Variants in USP19 observed in about 807,000 individuals in gnomAD.
The protein encoded by USP19 is ubiquitin carboxyl-terminal hydrolase 19.
A neutral mutation model predicts 144.8 loss-of-function variants in USP19; 40 were observed. That is an observed-to-expected ratio of 0.28 (90% CI 0.21 to 0.36). The LOEUF (loss-of-function observed/expected upper bound fraction) is 0.36. Ranked by LOEUF, USP19 falls within the 10% of genes least tolerant of loss-of-function variation. The pLI is 1.00. For synonymous variants in USP19, 701 were observed against 709.3 expected (o/e 0.99, Z 0.19); for missense variants, 1,518 against 1,822.5 (o/e 0.83, Z 3.04).
In USP19 at chr3:49,108,459, CA is replaced by C; in HGVS notation, c.4107del (p.Val1370TrpfsTer54). ...TRTAPERFAP[P>X]VDRPAPTYSN... ...CTGTAGGTGGGGGCTGGCCGATCCA[CA>C]GGGGGGGCGAAGCGTTCAGGGGCTG... On this transcript the variant is annotated frameshift_variant, in exon 27 of 27. Coordinates refer to ENST00000417901, the MANE Select transcript of USP19 (RefSeq NM_001199161.2). LOFTEE classifies it high-confidence loss of function. This position sits in a 1 kb window ranked among gnomAD's most constrained non-coding sequence, Gnocchi z 4.8. 1 of 1,357,408 alleles carries C rather than the reference CA, an allele frequency of 7.4e-7. No homozygotes were observed. The highest frequency in any genetic ancestry group is 9.6e-7 in the Non-Finnish European group (1 of 1,043,876). 84.1% of individuals were successfully genotyped at this position (1,357,408 alleles called of 1,614,324 possible).
In USP19 at chr3:49,108,477, C is replaced by G; in HGVS notation, c.4090G>C (p.Glu1364Gln). 7.6e-7 allele frequency: 1 copy of G among 1,323,858 alleles called. No homozygotes were observed. The highest frequency in any genetic ancestry group is 9.8e-7 in the Non-Finnish European group (1 of 1,023,972). 82.0% of individuals were successfully genotyped at this position (1,323,858 alleles called of 1,614,324 possible). The change falls in exon 27 of 27, where the codon GAA becomes CAA. Residue 1364 changes from glutamate to glutamine, a missense_variant. By Grantham distance (29) the Glu-to-Gln change is conservative. This residue lies in a region of USP19 where 118 missense variants were observed against 100.2 expected (regional missense o/e 1.18). Coordinates refer to ENST00000417901, the MANE Select transcript of USP19 (RefSeq NM_001199161.2). This position sits in a 1 kb window ranked among gnomAD's most constrained non-coding sequence, Gnocchi z 4.8. Reference protein sequence around the residue: ...PEVAPTRTAPERFAPPVDRPA... With the variant: ...PEVAPTRTAPQRFAPPVDRPA... ...CGATCCACAGGGGGGGCGAAGCGTTCAGGGGCTGTCCGCGTGGGGGCCACC... is the reference window on the plus strand; with the variant it reads ...CGATCCACAGGGGGGGCGAAGCGTTGAGGGGCTGTCCGCGTGGGGGCCACC...
intron 2 of USP19, 90 bp downstream of exon 2, chr3:49,118,932 A>G (rs563101171): frequency 4.4e-4 from 689 of 1,574,846 alleles, no homozygotes; most frequent in Non-Finnish European, 5.4e-4. Flanking sequence ...AGAGAGAAGA[A>G]CAAGAAAGTC....
chr3:49,117,622 A>C lies in USP19; in HGVS notation c.472+35T>G. On this transcript the variant is annotated intron_variant, in intron 4 of 26. Transcript: ENST00000417901. The surrounding 1 kb of genome is among the most constrained non-coding windows in gnomAD (Gnocchi z 4.4). ...TAGGATAGGAGATATCAGAAGATTC[A>C]AACATACTACTGTGCTCAGGGCAGA... The C allele has an allele frequency of 6.2e-7, 1 of 1,614,094 alleles. No homozygotes were observed. The highest frequency in any genetic ancestry group is 1.3e-5 in the African/African-American group (1 of 75,046).
rs867512104 is a variant in USP19 at position 49,109,919 on chromosome 3, T to G, written c.4038+265A>C. ...ATTCACAGCATAGTGCCCAGTGAGG[T>G]TCAGAGCAGTTGCCTGACCTGTGCC... On this transcript the variant is annotated intron_variant, in intron 26 of 26. Transcript: ENST00000417901. The G allele has an allele frequency of 1.2e-5, 4 of 334,566 alleles. No individual in the cohort carries two copies. The South Asian group carries it at 2.7e-4, about 23-fold the overall frequency. The allele number at this position is 334,566 out of a possible 1,614,324, so 20.7% of individuals were successfully genotyped here. A position where few individuals can be genotyped will look rare whatever the true frequency, so the allele number is the denominator to read the frequency against.
chr3:49,109,217 C>G (rs1039073524), intron 26 of USP19: 1 of 1,444,580 alleles, frequency 6.9e-7, no homozygotes, highest in Non-Finnish European at 9.1e-7. Context: ...ATCAGCACCC[C>G]GGGGGTGGGG....
chr3:49,116,949 A>T lies in USP19; in HGVS notation c.910-6T>A. ...AGCTGTTCATCAGCCTCAACCTATT[A>T]ATGGCAAGATTGTGGAAAGAATCAG... On this transcript the variant is annotated splice_polypyrimidine_tract_variant and splice_region_variant and intron_variant, in intron 6 of 26. Coordinates refer to ENST00000417901, the MANE Select transcript of USP19 (RefSeq NM_001199161.2). This position sits in a 1 kb window ranked among gnomAD's most constrained non-coding sequence, Gnocchi z 5.0. 1 of 1,612,474 alleles carries T rather than the reference A, an allele frequency of 6.2e-7. No individual in the cohort carries two copies. Among genetic ancestry groups the T allele is most frequent in the Non-Finnish European group, 8.5e-7 (1 of 1,179,226 alleles).
In USP19 at chr3:49,111,489, C is replaced by G. The variant is rs772987990; in HGVS notation, c.3217+11G>C. The G allele has an allele frequency of 1.2e-6, 2 of 1,611,630 alleles. No homozygotes were observed. The highest frequency in any genetic ancestry group is 2.2e-5 in the South Asian group (2 of 91,008). ...CCTCCCCAGCTTCTAGAGCCTTTCACTGGATCTTACCTTCGGGTCGGGACA... is the reference window on the plus strand; with the variant it reads ...CCTCCCCAGCTTCTAGAGCCTTTCAGTGGATCTTACCTTCGGGTCGGGACA... On this transcript the variant is annotated intron_variant, in intron 21 of 26. Coordinates refer to ENST00000417901, the MANE Select transcript of USP19 (RefSeq NM_001199161.2). This position sits in a 1 kb window ranked among gnomAD's most constrained non-coding sequence, Gnocchi z 5.9.
chr3:49,113,013 C>G (rs1217737084), intron 17 of USP19, among the ~76,000 whole-genome samples: 1 of 152,168 alleles, frequency 6.6e-6, no homozygotes, highest in Admixed American at 6.5e-5. Flanking sequence ...GCTAGGAACC[C>G]CTGGGGAGAG....
At position 49,115,687 on chromosome 3, in the gene USP19, C is replaced by A; in HGVS notation, c.1692+37G>T. 3 of 1,606,226 alleles carry A rather than the reference C, an allele frequency of 1.9e-6. No individual in the cohort carries two copies. On this transcript the variant is annotated intron_variant, in intron 11 of 26. Coordinates refer to ENST00000417901, the MANE Select transcript of USP19 (RefSeq NM_001199161.2). The surrounding 1 kb of genome is among the most constrained non-coding windows in gnomAD (Gnocchi z 6.6). ...AGAGAACAGCCCCAAGACTCTCCAG[C>A]CTCCATTCTTCGTCCTTCCCACCCC...
chr3:49,110,837 C>G lies in USP19; in HGVS notation c.3572G>C (p.Arg1191Pro). The G allele has an allele frequency of 6.2e-7, 1 of 1,614,204 alleles. No individual in the cohort carries two copies. Among genetic ancestry groups the G allele is most frequent in the Non-Finnish European group, 8.5e-7 (1 of 1,180,050 alleles). ...AWYCPQCKQH[R>P]EASKQLLLWR... ...TAGCAACAGCTGCTTGGAGGCCTCACGGTGCTGTTTGCACTGTGGGCAGTA... is the reference window on the plus strand; with the variant it reads ...TAGCAACAGCTGCTTGGAGGCCTCAGGGTGCTGTTTGCACTGTGGGCAGTA... Residue 1191 changes from arginine to proline, a missense_variant, in exon 24 of 27, where the codon CGT (arginine) becomes CCT (proline). This residue lies in a region of USP19 where 122 missense variants were observed against 200.4 expected (regional missense o/e 0.61). Transcript: ENST00000417901. The surrounding 1 kb of genome is among the most constrained non-coding windows in gnomAD (Gnocchi z 6.1).
intron 26 of USP19, chr3:49,109,132 C>A: frequency 6.5e-7 from 1 of 1,538,104 alleles, no homozygotes; most frequent in Non-Finnish European, 8.7e-7. Context: ...GGGGCCCAGA[C>A]CCCTCAGGCA....
Position 49,111,301 on chromosome 3 carries a change from G to A in USP19, c.3282C>T (p.Ile1094=), listed in dbSNP as rs764946704. The change falls in exon 22 of 27, where the codon ATC becomes ATT. Residue 1094 remains isoleucine, a synonymous_variant. Transcript: ENST00000417901. This position sits in a 1 kb window ranked among gnomAD's most constrained non-coding sequence, Gnocchi z 5.9. ...AMNAHTPQFF[I]YKIDSSNREQ... is the part of the protein sequence containing the mutation. ...CTCGGTTGGATGAATCAATTTTATA[G>A]ATGAAGAACTGGGGTGTGTGGGCAT... 4 of 1,614,060 alleles carry A rather than the reference G, an allele frequency of 2.5e-6. No individual in the cohort carries two copies. The African/African-American group carries it at 5.3e-5, about 22-fold the overall frequency.
At position 49,110,851 on chromosome 3, in the gene USP19, C is replaced by G. The variant is rs773907250; in HGVS notation, c.3558G>C (p.Gln1186His). ...LAPEEAWYCP[Q>H]CKQHREASKQ... ...TGGAGGCCTCACGGTGCTGTTTGCA[C>G]TGTGGGCAGTACCTGGTGGGGACAG... The change falls in exon 24 of 27, where the codon CAG becomes CAC. Residue 1186 changes from glutamine to histidine, a missense_variant. Physicochemically the swap from Gln to His is conservative, Grantham distance 24 (BLOSUM62 0). Coordinates refer to ENST00000417901, the MANE Select transcript of USP19 (RefSeq NM_001199161.2). The surrounding 1 kb of genome is among the most constrained non-coding windows in gnomAD (Gnocchi z 6.1). 1.2e-5 allele frequency: 20 copies of G among 1,614,214 alleles called. 1 individual carries two copies. The South Asian group carries it at 2.2e-4, about 18-fold the overall frequency.
chr3:49,110,478 C>G lies in USP19; in HGVS notation c.3825G>C (p.Leu1275=). The change falls in exon 25 of 27, where the codon CTG becomes CTC. Residue 1275 remains leucine (L), a synonymous_variant. Transcript: ENST00000417901. This position sits in a 1 kb window ranked among gnomAD's most constrained non-coding sequence, Gnocchi z 6.1. ...TGCGCTGACTGCTACGATCATTGGG[C>G]AGGCGTGCACAGGCAGTGTAGTGGC... The part of the protein sequence containing the change: ...IGGHYTACAR[L]PNDRSSQRSD... 6.2e-7 allele frequency: 1 copy of G among 1,614,180 alleles called. No homozygotes were observed. Among genetic ancestry groups the G allele is most frequent in the Non-Finnish European group, 8.5e-7 (1 of 1,180,026 alleles).
Position 49,110,328 on chromosome 3 carries a change from C to G in USP19, c.3894G>C (p.Thr1298=). ...WRLFDDSTVT[T]VDESQVVTRY... Reference sequence around the variant, plus strand: ...GCGTCACAACCTGGCTCTCGTCTACCGTTGTCACTGTGCTGTCATCAAACA... The same window carrying G: ...GCGTCACAACCTGGCTCTCGTCTACGGTTGTCACTGTGCTGTCATCAAACA... Residue 1298 remains threonine (T), a synonymous_variant, in exon 26 of 27, where the codon ACG becomes ACC. Transcript: ENST00000417901. This position sits in a 1 kb window ranked among gnomAD's most constrained non-coding sequence, Gnocchi z 6.1. 1 of 1,601,684 alleles carries G rather than the reference C, an allele frequency of 6.2e-7. No individual in the cohort carries two copies. Among genetic ancestry groups the G allele is most frequent in the South Asian group, 1.1e-5 (1 of 89,506 alleles).
At chr3:49,113,859 G>C (rs1238993155) in intron 17 of USP19, 133 bp downstream of exon 17, 3 of 956,588 alleles carry the variant, frequency 3.1e-6, no homozygotes, top group Non-Finnish European at 4.7e-6. Flanking sequence ...CTCACAAAGT[G>C]CTGGGACTAC....
intron 2 of USP19, 97 bp downstream of exon 2, chr3:49,118,925 G>C: frequency 6.4e-7 from 1 of 1,562,536 alleles, no homozygotes; most frequent in Non-Finnish European, 8.7e-7. Flanking sequence ...CCAGGACAGA[G>C]AGAAGAACAA....
rs779759376 is a variant in USP19, at chr3:49,114,730, T to C, written c.2292+33A>G. ...TGTGACCAGAATAGCTGAGCTGAAC[T>C]AGGGGGTCTCTTTCCAGGGGAGCCC... On this transcript the variant is annotated intron_variant, in intron 15 of 26. Transcript: ENST00000417901. This position sits in a 1 kb window ranked among gnomAD's most constrained non-coding sequence, Gnocchi z 4.5. 5 of 1,607,990 alleles carry C rather than the reference T, an allele frequency of 3.1e-6. No individual in the cohort carries two copies. The highest frequency in any genetic ancestry group is 1.1e-5 in the South Asian group (1 of 90,938).
At position 49,120,823 on chromosome 3, in the gene USP19, C is replaced by A; in HGVS notation, c.-204G>T. The A allele has an allele frequency of 3.8e-6, 1 of 266,386 alleles. No homozygotes were observed. The highest frequency in any genetic ancestry group is 4.0e-5 in the South Asian group (1 of 24,796). 16.5% of individuals were successfully genotyped at this position (266,386 alleles called of 1,614,324 possible). A position where few individuals can be genotyped will look rare whatever the true frequency, so the allele number is the denominator to read the frequency against. On this transcript the variant is annotated 5_prime_UTR_variant, in exon 1 of 27. Transcript: ENST00000417901. ...CCCGCTCTCCGTTCCGGTTCCGGCGCAGGTCGGTTCCGGTTCCGGCGCGCC... is the reference window on the plus strand; with the variant it reads ...CCCGCTCTCCGTTCCGGTTCCGGCGAAGGTCGGTTCCGGTTCCGGCGCGCC...
Sources: allele counts gnomAD v4.1 joint callset (sites outside exome capture counted in the v4.1 genomes callset), GRCh38; gene constraint gnomAD v4.1.1; regional missense constraint gnomAD v4.1.1; non-coding constraint Gnocchi (gnomAD v3.1); transcripts MANE v1.5; gene names NCBI Gene and HGNC (gene_info 2026-07-23, HGNC 2026-07-21).